ZMYM4: variants seen among roughly 807,000 people sequenced by gnomAD.
ZMYM4 encodes zinc finger MYM-type containing 4.
In ZMYM4, 31 loss-of-function variants were observed where a neutral mutation model predicts 183.2. The observed-to-expected ratio is 0.17, with a 90% CI of 0.13 to 0.23. The LOEUF (loss-of-function observed/expected upper bound fraction) is 0.23. ZMYM4 is among the 10% of genes least tolerant of loss of function. The probability of loss-of-function intolerance (pLI) is 1.00; values close to 1 mark genes in which losing one functional copy is unlikely to be tolerated. For synonymous variants in ZMYM4, 592 were observed against 631.2 expected, an observed-to-expected ratio of 0.94 and a Z score of 0.93; for missense variants, 1,273 against 1,840.3, an observed-to-expected ratio of 0.69 and a Z score of 5.64.
At chr1:35,286,322 A>C (rs1414499619) in intron 1 of ZMYM4, among the ~76,000 whole-genome samples, 1 of 152,134 alleles carries the variant, frequency 6.6e-6, no homozygotes, top group Non-Finnish European at 1.5e-5. Context: ...AAAAATACTG[A>C]AACACCTGTA....
At position 35,420,931 on chromosome 1, in the gene ZMYM4, T is replaced by C. The variant is rs894470608; in HGVS notation, c.*1254T>C. The C allele has an allele frequency of 9.2e-5, 14 of 152,416 alleles. No individual in the cohort carries two copies. The highest frequency in any genetic ancestry group is 1.2e-4 in the Non-Finnish European group (8 of 68,042). The allele number at this position is 152,416 out of a possible 1,614,324, so 9.4% of individuals were successfully genotyped here. A position where few individuals can be genotyped will look rare whatever the true frequency, so the allele number is the denominator to read the frequency against. On this transcript the variant is annotated 3_prime_UTR_variant, in exon 30 of 30. Coordinates refer to ENST00000314607, the MANE Select transcript of ZMYM4 (RefSeq NM_005095.3). ...AGCTGTTTCAGTAGTTCTATGAGGA[T>C]TGCAAGTCATAGGTGTGTGTGGCAT...
intron 2 of ZMYM4, among the ~76,000 whole-genome samples, chr1:35,349,830 T>TA (rs80243856): frequency 3.6e-3 from 463 of 128,430 alleles, no homozygotes; most frequent in South Asian, 0.015. Flanking sequence ...ACTCTGTCTT[T>TA]AAAAAAAAAA....
rs568777154 is a variant in ZMYM4 at position 35,314,277 on chromosome 1, A to G, written c.40-11083A>G. The stretch of plus-strand genomic sequence containing the variant: ...AGTTTATTTTTCTTTTCCCTCAAAA[A>G]AAAAATAGTTTACTCTTTTTTTTTT... On this transcript the variant is annotated intron_variant, in intron 1 of 29. Coordinates refer to ENST00000314607, the MANE Select transcript of ZMYM4 (RefSeq NM_005095.3). Among the ~76,000 whole-genome samples, 19 of 152,190 alleles carry G rather than the reference A, an allele frequency of 1.2e-4. No individual in the cohort carries two copies. The South Asian group carries it at 3.9e-3, about 32-fold the overall frequency.
intron 2 of ZMYM4, among the ~76,000 whole-genome samples, chr1:35,339,862 C>T (rs1025157226): frequency 6.6e-5 from 10 of 152,280 alleles, no homozygotes; most frequent in Middle Eastern, 6.8e-3. Context: ...ATACTACCTC[C>T]TTTCTCCAGT....
intron 7 of ZMYM4, among the ~76,000 whole-genome samples, chr1:35,371,936 ATC>A (rs1478840689): frequency 6.6e-6 from 1 of 152,136 alleles, no homozygotes; most frequent in Non-Finnish European, 1.5e-5. Context: ...TTTCTTTGGA[ATC>A]TCTATTTTTA....
At chr1:35,390,321 G>A (rs1216309005) in intron 15 of ZMYM4, among the ~76,000 whole-genome samples, 1 of 152,126 alleles carries the variant, frequency 6.6e-6, no homozygotes, top group Admixed American at 6.5e-5. Flanking sequence ...CAACAAGGCT[G>A]TTTATTTCAC....
intron 5 of ZMYM4, among the ~76,000 whole-genome samples, chr1:35,362,772 T>G (rs976970702): frequency 4.6e-5 from 7 of 152,044 alleles, no homozygotes; most frequent in African/African-American, 1.7e-4. Context: ...GTGCAATCAC[T>G]GCTCACTGCA....
chr1:35,403,306 G>C (rs1457230521), intron 23 of ZMYM4, among the ~76,000 whole-genome samples: 1 of 152,096 alleles, frequency 6.6e-6, no homozygotes, highest in Non-Finnish European at 1.5e-5. Context: ...TCTGTTTTGA[G>C]ACAGAGTCTC....
intron 15 of ZMYM4, among the ~76,000 whole-genome samples, chr1:35,390,481 T>C (rs775864075): frequency 2.0e-5 from 3 of 152,098 alleles, no homozygotes; most frequent in Non-Finnish European, 4.4e-5. Flanking sequence ...GGGGAGCTTT[T>C]TGAGCCAGGA....
intron 2 of ZMYM4, among the ~76,000 whole-genome samples, chr1:35,348,314 A>T (rs1034015491): frequency 1.3e-5 from 2 of 152,230 alleles, no homozygotes; most frequent in Admixed American, 6.5e-5. Flanking sequence ...CTTTAAAAAA[A>T]TTTTTGAAAC....
chr1:35,268,958 C>G lies in ZMYM4; in HGVS notation c.-89C>G, dbSNP rs1489222723. 5 of 1,334,566 alleles carry G rather than the reference C, an allele frequency of 3.7e-6. No individual in the cohort carries two copies. Among genetic ancestry groups the G allele is most frequent in the South Asian group, 2.0e-5 (1 of 49,082 alleles). 82.7% of individuals were successfully genotyped at this position (1,334,566 alleles called of 1,614,324 possible). A position where few individuals can be genotyped will look rare whatever the true frequency, so the allele number is the denominator to read the frequency against. ...TCCGGGGAAGCTGCCGCGAGGCGGCCGTGCCTGCAGTGTGGGCGGGGGCCG... is the reference window on the plus strand; with the variant it reads ...TCCGGGGAAGCTGCCGCGAGGCGGCGGTGCCTGCAGTGTGGGCGGGGGCCG... On this transcript the variant is annotated 5_prime_UTR_variant, in exon 1 of 30. Transcript: ENST00000314607.
chr1:35,291,527 T>C (rs1421671164), intron 1 of ZMYM4, among the ~76,000 whole-genome samples: 1 of 152,102 alleles, frequency 6.6e-6, no homozygotes, highest in Non-Finnish European at 1.5e-5. Flanking sequence ...TCTCCAGATG[T>C]CTTTCTACCT....
intron 1 of ZMYM4, among the ~76,000 whole-genome samples, chr1:35,315,921 G>A (rs1642024038): frequency 6.6e-6 from 1 of 151,820 alleles, no homozygotes; most frequent in Non-Finnish European, 1.5e-5. Flanking sequence ...GTGAGTCCCT[G>A]TCTGGGGGAA....
At chr1:35,357,451 C>A (rs1004521048) in intron 2 of ZMYM4, among the ~76,000 whole-genome samples, 1 of 152,144 alleles carries the variant, frequency 6.6e-6, no homozygotes, top group African/African-American at 2.4e-5. Flanking sequence ...GTGGTTTAGG[C>A]ATAGAGTTTA....
intron 29 of ZMYM4, 134 bp downstream of exon 29, chr1:35,418,706 T>G: frequency 9.2e-7 from 1 of 1,087,470 alleles, no homozygotes; most frequent in African/African-American, 1.6e-5. Context: ...TTTTCCCCAT[T>G]GTCATATCTA....
intron 1 of ZMYM4, among the ~76,000 whole-genome samples, chr1:35,291,614 A>AGT (rs1179171906): frequency 6.7e-6 from 1 of 148,996 alleles, no homozygotes; most frequent in African/African-American, 2.5e-5. Context: ...TAGCAATAAT[A>AGT]GTAGTGGTAG....
Position 35,421,864 on chromosome 1 carries a change from G to T in ZMYM4, c.*2187G>T, listed in dbSNP as rs1477162199. 1 of 151,968 alleles carries T rather than the reference G, an allele frequency of 6.6e-6. No individual in the cohort carries two copies. Among genetic ancestry groups the T allele is most frequent in the African/African-American group, 2.4e-5 (1 of 41,358 alleles). The allele number at this position is 151,968 out of a possible 1,614,324, so 9.4% of individuals were successfully genotyped here. ...AAATCATCCTTTTTGTTCTTTTTCA[G>T]TTTTTAACCACTTTTAGGTTTTCCC... is the stretch of plus-strand genomic sequence containing the variant. On this transcript the variant is annotated 3_prime_UTR_variant, in exon 30 of 30. Transcript: ENST00000314607.
At chr1:35,418,824 A>C (rs1407170528) in intron 29 of ZMYM4, among the ~76,000 whole-genome samples, 1 of 152,238 alleles carries the variant, frequency 6.6e-6, no homozygotes, top group African/African-American at 2.4e-5. Flanking sequence ...CAACTGTTGT[A>C]CAACCTTTAT....
chr1:35,396,280 T>C (rs984129468), intron 18 of ZMYM4, among the ~76,000 whole-genome samples: 6 of 152,194 alleles, frequency 3.9e-5, no homozygotes, highest in Non-Finnish European at 7.4e-5. Flanking sequence ...AGGTTCCCTG[T>C]TTCAATCCTT....
Sources: gnomAD v4.1 joint callset for allele counts (sites outside exome capture counted in the v4.1 genomes callset) on GRCh38, gnomAD v4.1.1 for gene constraint, MANE v1.5 for transcripts, NCBI Gene and HGNC (gene_info 2026-07-23, HGNC 2026-07-21) for gene names.